MACROD1: variants seen among roughly 807,000 people sequenced by gnomAD.
MACROD1 encodes mono-ADP ribosylhydrolase 1.
In MACROD1, 31 loss-of-function variants were observed where a neutral mutation model predicts 41.4. The ratio of observed to expected loss-of-function variants is 0.75; its 90% CI spans 0.56 to 1.01. MACROD1 has a LOEUF of 1.01. Among genes scored for constraint, MACROD1 ranks in the 50% least tolerant of loss-of-function variants. The pLI is 0.00. For missense variants in MACROD1, 473 were observed against 460.0 expected (o/e 1.03, Z -0.26); for synonymous variants, 252 against 203.4 (o/e 1.24, Z -2.03).
intron 3 of MACROD1, among the ~76,000 whole-genome samples, chr11:64,130,033 C>T (rs901410154): frequency 1.3e-5 from 2 of 152,166 alleles, no homozygotes; most frequent in African/African-American, 4.8e-5. Flanking sequence ...CCAAAGAGCC[C>T]TGACACCATG....
intron 4 of MACROD1, among the ~76,000 whole-genome samples, chr11:64,002,520 C>T (rs1402548628): frequency 6.6e-6 from 1 of 152,142 alleles, no homozygotes; most frequent in East Asian, 1.9e-4. Flanking sequence ...GAGGGGCTCC[C>T]CTAAAGCAGA....
intron 1 of MACROD1, among the ~76,000 whole-genome samples, chr11:64,163,054 G>A (rs1304682062): frequency 6.6e-6 from 1 of 152,136 alleles, no homozygotes; most frequent in Non-Finnish European, 1.5e-5. Flanking sequence ...CCCGGAGGCG[G>A]AGGTTGCAGT....
intron 3 of MACROD1, among the ~76,000 whole-genome samples, chr11:64,112,969 T>C (rs537251006): frequency 6.6e-6 from 1 of 152,318 alleles, no homozygotes; most frequent in South Asian, 2.1e-4. Context: ...TGCAAAGCCA[T>C]GCTTGGCCAC....
chr11:64,038,221 A>T (rs944782116), intron 3 of MACROD1, among the ~76,000 whole-genome samples: 29 of 152,078 alleles, frequency 1.9e-4, no homozygotes, highest in African/African-American at 6.8e-4. Context: ...AGGTGTACAG[A>T]CTTAGCTCTG....
Position 64,082,067 on chromosome 11 carries a change from TG to T in MACROD1, c.518-66787del, listed in dbSNP as rs1001515645. Reference sequence around the variant, plus strand: ...GTGTGTGAGCTGCAGCGTCCTGGGCTGGGGCAGAGGGGCCGTGGCGAGAACA... The same window carrying T: ...GTGTGTGAGCTGCAGCGTCCTGGGCTGGGCAGAGGGGCCGTGGCGAGAACA... On this transcript the variant is annotated intron_variant, in intron 3 of 10. Coordinates refer to ENST00000255681, the MANE Select transcript of MACROD1 (RefSeq NM_014067.4). This position sits in a 1 kb window ranked among gnomAD's most constrained non-coding sequence, Gnocchi z 4.5. The T allele has an allele frequency of 1.3e-5, 2 of 152,312 alleles. No individual in the cohort carries two copies. Among genetic ancestry groups the T allele is most frequent in the African/African-American group, 4.8e-5 (2 of 41,524 alleles). The allele number at this position is 152,312 out of a possible 1,614,324, so 9.4% of individuals were successfully genotyped here. A position where few individuals can be genotyped will look rare whatever the true frequency, so the allele number is the denominator to read the frequency against.
At chr11:64,051,351 G>C (rs1943691113) in intron 3 of MACROD1, among the ~76,000 whole-genome samples, 1 of 152,216 alleles carries the variant, frequency 6.6e-6, no homozygotes, top group Admixed American at 6.5e-5. Context: ...TGGTGGGGTG[G>C]GTGCGTGTGG....
chr11:64,001,981 T>C (rs115904207), intron 4 of MACROD1, among the ~76,000 whole-genome samples: 1,978 of 152,244 alleles, frequency 0.013, 40 homozygotes, highest in African/African-American at 0.045. Flanking sequence ...TCAGAGCTCA[T>C]TGGGCTGTTG....
chr11:64,148,013 A>G (rs528254605), intron 3 of MACROD1, among the ~76,000 whole-genome samples: 1 of 152,112 alleles, frequency 6.6e-6, no homozygotes, highest in East Asian at 1.9e-4. Flanking sequence ...TGCTGGGATT[A>G]CAGGAGTGAG....
At chr11:64,053,890 G>A (rs1280063873) in intron 3 of MACROD1, among the ~76,000 whole-genome samples, 6 of 152,124 alleles carry the variant, frequency 3.9e-5, no homozygotes, top group African/African-American at 9.7e-5. Context: ...CCGCATACCC[G>A]GTTGCTTCCG....
intron 3 of MACROD1, among the ~76,000 whole-genome samples, chr11:64,070,022 G>C (rs1190532029): frequency 6.6e-6 from 1 of 152,190 alleles, no homozygotes; most frequent in East Asian, 1.9e-4. Flanking sequence ...GGGATGGTGA[G>C]AGGTGTCCGC....
At chr11:64,124,156 A>C (rs1476316899) in intron 3 of MACROD1, among the ~76,000 whole-genome samples, 4 of 152,352 alleles carry the variant, frequency 2.6e-5, no homozygotes, top group Non-Finnish European at 5.9e-5. Context: ...CTCAGTGTCC[A>C]AGAGGCACCA....
intron 3 of MACROD1, among the ~76,000 whole-genome samples, chr11:64,031,027 C>G (rs968231418): frequency 2.0e-5 from 3 of 152,024 alleles, no homozygotes; most frequent in African/African-American, 7.3e-5. Context: ...GAAGTAAGAC[C>G]CTTGTTTCAA....
At chr11:64,119,883 G>C (rs1263521988) in intron 3 of MACROD1, among the ~76,000 whole-genome samples, 1 of 152,180 alleles carries the variant, frequency 6.6e-6, no homozygotes, top group Non-Finnish European at 1.5e-5. Flanking sequence ...GGGAGGAAGA[G>C]CGGAGCCTGG....
rs1945838227 is a variant in MACROD1 at position 64,165,957 on chromosome 11, T to A, written c.38A>T (p.Gln13Leu). 7.7e-7 allele frequency: 1 copy of A among 1,301,084 alleles called. No individual in the cohort carries two copies. Among genetic ancestry groups the A allele is most frequent in the East Asian group, 3.1e-5 (1 of 32,290 alleles). The allele number at this position is 1,301,084 out of a possible 1,614,324, so 80.6% of individuals were successfully genotyped here. A position where few individuals can be genotyped will look rare whatever the true frequency, so the allele number is the denominator to read the frequency against. The change falls in exon 1 of 11, where the codon CAG (glutamine) becomes CTG (leucine). Residue 13 changes from glutamine to leucine, a missense_variant. Coordinates refer to ENST00000255681, the MANE Select transcript of MACROD1 (RefSeq NM_014067.4). ...LQSRLSGRLAQLRAAGQLLVP... is the reference protein window; with the variant it reads ...LQSRLSGRLALLRAAGQLLVP... The stretch of plus-strand genomic sequence containing the variant: ...GAGCAGCTGCCCCGCCGCGCGCAGC[T>A]GTGCCAGGCGGCCGGACAGTCGGCT...
chr11:64,095,260 T>C (rs1203297569), intron 3 of MACROD1, among the ~76,000 whole-genome samples: 1 of 152,228 alleles, frequency 6.6e-6, no homozygotes, highest in African/African-American at 2.4e-5. Flanking sequence ...AGGCGCACTT[T>C]AAGTTCTTTT....
intron 3 of MACROD1, chr11:64,118,944 C>A (rs1945047966): frequency 6.0e-6 from 1 of 166,564 alleles, no homozygotes; most frequent in Admixed American, 6.6e-5. Flanking sequence ...AAAAAACAAA[C>A]TTTTTTTTCC....
intron 3 of MACROD1, among the ~76,000 whole-genome samples, chr11:64,130,900 T>G (rs1415716145): frequency 1.3e-5 from 2 of 152,238 alleles, no homozygotes; most frequent in African/African-American, 4.8e-5. Context: ...AAATCTTATT[T>G]GCAATGCTGC....
At chr11:64,071,707 C>T (rs1944110538) in intron 3 of MACROD1, among the ~76,000 whole-genome samples, 1 of 152,194 alleles carries the variant, frequency 6.6e-6, no homozygotes, top group Admixed American at 6.5e-5. Context: ...GTCATGAGAC[C>T]AAGGCCCTTT....
chr11:64,046,253 A>G (rs933595643), intron 3 of MACROD1, among the ~76,000 whole-genome samples: 1 of 152,174 alleles, frequency 6.6e-6, no homozygotes, highest in African/African-American at 2.4e-5. Context: ...AGGAAGCCCC[A>G]GAAGAGGGAC....
Sources: allele counts gnomAD v4.1 joint callset (sites outside exome capture counted in the v4.1 genomes callset), GRCh38; gene constraint gnomAD v4.1.1; non-coding constraint Gnocchi (gnomAD v3.1); transcripts MANE v1.5; gene names NCBI Gene and HGNC (gene_info 2026-07-23, HGNC 2026-07-21).